The following ZNF584 variants were observed in gnomAD, a reference collection of about 807,000 sequenced individuals.
ZNF584 encodes zinc finger protein 584.
A neutral mutation model predicts 14.7 loss-of-function variants in ZNF584; 12 were observed. The observed-to-expected ratio is 0.82, with a 90% CI of 0.52 to 1.32. The LOEUF is 1.32. Ranked by LOEUF, ZNF584 falls within the 40% of genes most tolerant of loss-of-function variation. The pLI, the probability that ZNF584 is intolerant of heterozygous loss-of-function variation, is 0.00. For missense variants in ZNF584, 478 were observed against 518.8 expected, an observed-to-expected ratio of 0.92 and a Z score of 0.76; for synonymous variants, 204 against 190.9, an observed-to-expected ratio of 1.07 and a Z score of -0.57.
upstream of ZNF584, chr19:58,406,509 G>C (rs1157142637): frequency 1.3e-5 from 2 of 152,454 alleles, no homozygotes; most frequent in Non-Finnish European, 2.9e-5. Flanking sequence ...GCGAAAAGGT[G>C]GACTGTTTAG....
intron 3 of ZNF584, 162 bp downstream of exon 3, chr19:58,415,808 A>G (rs114933502): frequency 7.5e-6 from 12 of 1,606,010 alleles, no homozygotes; most frequent in African/African-American, 5.3e-5. Context: ...CATCTCTACC[A>G]TGATTTTCAG....
upstream of ZNF584, chr19:58,405,272 C>CA (rs1264080813): frequency 2.6e-5 from 2 of 76,490 alleles, no homozygotes; most frequent in Non-Finnish European, 5.9e-5. Flanking sequence ...GGGGGGCTGA[C>CA]CCCCCCACCT....
At chr19:58,411,972 T>A (rs1271423073) in intron 2 of ZNF584, among the ~76,000 whole-genome samples, 2 of 143,826 alleles carry the variant, frequency 1.4e-5, no homozygotes, top group Non-Finnish European at 3.0e-5. Context: ...TGGCTTATAA[T>A]ACTTGTTTTT....
At chr19:58,405,683 A>G (rs1356463480), upstream of ZNF584, 7 of 170,086 alleles carry the variant, frequency 4.1e-5, no homozygotes, top group East Asian at 1.9e-4. Context: ...GCGGCCGGGC[A>G]GAGACGCTCC....
chr19:58,410,546 T>TATAC (rs2052539040), intron 2 of ZNF584, among the ~76,000 whole-genome samples: 1 of 62,540 alleles, frequency 1.6e-5, no homozygotes, highest in Non-Finnish European at 2.7e-5. Context: ...TATATATATA[T>TATAC]ATATATATAT....
Position 58,410,745 on chromosome 19 carries a change from G to GTA in ZNF584, c.169+670_169+671dup, listed in dbSNP as rs1298705965. ...TATATATGTATATATATATATGTGT[G>GTA]TATATATATATATATATGTATATAT... is the stretch of plus-strand genomic sequence containing the variant. On this transcript the variant is annotated intron_variant, in intron 2 of 3. Transcript: ENST00000306910. Among the ~76,000 whole-genome samples the GTA allele has an allele frequency of 9.7e-3, 295 of 30,434 alleles. 42 individuals are homozygous for GTA. Among genetic ancestry groups the GTA allele is most frequent in the South Asian group, 0.014 (18 of 1,254 alleles). The allele number at this position is 30,434 out of a possible 152,430, so 20.0% of individuals were successfully genotyped here.
chr19:58,412,392 G>T (rs1447742966), intron 2 of ZNF584, among the ~76,000 whole-genome samples: 3 of 151,584 alleles, frequency 2.0e-5, no homozygotes, highest in African/African-American at 7.3e-5. Flanking sequence ...TGTATTTTTA[G>T]TAGAGACGGG....
chr19:58,410,579 A>ATATG lies in ZNF584; in HGVS notation c.169+492_169+495dup, dbSNP rs1555785564. Among the ~76,000 whole-genome samples the ATATG allele has an allele frequency of 6.0e-3, 157 of 26,206 alleles. 30 individuals carry two copies. The highest frequency in any genetic ancestry group is 0.053 in the African/African-American group (137 of 2,596). The allele number at this position is 26,206 out of a possible 152,430, so 17.2% of individuals were successfully genotyped here. On this transcript the variant is annotated intron_variant, in intron 2 of 3. Coordinates refer to ENST00000306910, the MANE Select transcript of ZNF584 (RefSeq NM_173548.3). ...TATATGTGTATATATATATGTATAT[A>ATATG]TATGTATATATATGTATATATATGT...
At position 58,417,473 on chromosome 19, in the gene ZNF584, G is replaced by A; in HGVS notation, c.955G>A (p.Val319Ile). 1 of 1,614,010 alleles carries A rather than the reference G, an allele frequency of 6.2e-7. No homozygotes were observed. Among genetic ancestry groups the A allele is most frequent in the Non-Finnish European group, 8.5e-7 (1 of 1,179,990 alleles). The stretch of plus-strand genomic sequence containing the variant: ...TAATAGCTTCATTCTTCACCAGAGA[G>A]TTCACACTGGAGAAAGGCCTTTTGA... ...YNNSFILHQRVHTGERPFECK... is the reference protein window; with the variant it reads ...YNNSFILHQRIHTGERPFECK... The change falls in exon 4 of 4, where the codon GTT becomes ATT. Residue 319 changes from valine (V) to isoleucine (I), a missense_variant. Val to Ile is a conservative substitution (Grantham distance 29). Transcript: ENST00000306910.
chr19:58,417,938 G>C lies in ZNF584; in HGVS notation c.*154G>C, dbSNP rs3764531. The C allele has an allele frequency of 0.47, 430,357 of 921,416 alleles. 103,755 individuals carry two copies. The highest frequency in any genetic ancestry group is 0.61 in the East Asian group (24,533 of 40,306). The allele number at this position is 921,416 out of a possible 1,614,324, so 57.1% of individuals were successfully genotyped here. A position where few individuals can be genotyped will look rare whatever the true frequency, so the allele number is the denominator to read the frequency against. On this transcript the variant is annotated 3_prime_UTR_variant, in exon 4 of 4. Transcript: ENST00000306910. ...CCTGGTGTGTGGGACGCTTTCGGGA[G>C]CCACATTGCACTCTGACTTGCCTGG... is the stretch of plus-strand genomic sequence containing the variant.
At chr19:58,416,484 G>T in intron 3 of ZNF584, 1 of 198,440 alleles carries the variant, frequency 5.0e-6, no homozygotes, top group South Asian at 1.4e-4. Context: ...GCTCACTGCA[G>T]CCTCTGCCTC....
chr19:58,407,434 G>GT (rs1173486321), upstream of ZNF584: 7 of 152,254 alleles, frequency 4.6e-5, no homozygotes, highest in African/African-American at 1.7e-4. Context: ...CGAGCTGAAC[G>GT]TGACCAGCTG....
intron 2 of ZNF584, among the ~76,000 whole-genome samples, chr19:58,413,581 A>G (rs1218035573): frequency 6.7e-6 from 1 of 148,526 alleles, no homozygotes; most frequent in African/African-American, 2.5e-5. Context: ...ATCTTGGCTC[A>G]CTGCAACCTC....
chr19:58,404,822 G>A (rs555470338), upstream of ZNF584: 17 of 166,838 alleles, frequency 1.0e-4, no homozygotes, highest in South Asian at 4.1e-4. Flanking sequence ...GGGCAGAGGC[G>A]CCCCTCACCT....
rs1428162501 is a variant in ZNF584 at position 58,417,512 on chromosome 19, G to A, written c.994G>A (p.Gly332Arg). The A allele has an allele frequency of 7.4e-6, 12 of 1,614,192 alleles. No individual in the cohort carries two copies. Among genetic ancestry groups the A allele is most frequent in the Non-Finnish European group, 9.3e-6 (11 of 1,180,036 alleles). ...GERPFECKQC[G>R]KGYVTRSGLY... is the part of the protein sequence containing the mutation. ...AAGGCCTTTTGAATGCAAGCAATGT[G>A]GGAAAGGCTACGTGACCCGTTCAGG... The change falls in exon 4 of 4, where the codon GGG becomes AGG. Residue 332 changes from glycine (G) to arginine (R), a missense_variant. Gly to Arg is a moderately radical substitution (Grantham distance 125, BLOSUM62 -2). Transcript: ENST00000306910.
rs1015484350 is a variant in ZNF584, at chr19:58,414,632, G to A, written c.170-892G>A. On this transcript the variant is annotated intron_variant, in intron 2 of 3. Coordinates refer to ENST00000306910, the MANE Select transcript of ZNF584 (RefSeq NM_173548.3). ...GCTGGGATTACAGGCATGAGCCACC[G>A]CGCCCAGCCGAGGCTTATTTTATAT... Among the ~76,000 whole-genome samples, 5 of 151,864 alleles carry A rather than the reference G, an allele frequency of 3.3e-5. No individual in the cohort carries two copies. The South Asian group carries it at 8.3e-4, about 25-fold the overall frequency.
Position 58,410,667 on chromosome 19 carries a change from A to G in ZNF584, c.169+576A>G, listed in dbSNP as rs754770117. 8.0e-3 allele frequency among the ~76,000 whole-genome samples: 95 copies of G among 11,866 alleles called. 13 individuals carry two copies. The highest frequency in any genetic ancestry group is 5.3e-3 in the Non-Finnish European group (33 of 6,276). 7.8% of individuals were successfully genotyped at this position (11,866 alleles called of 152,430 possible). A position where few individuals can be genotyped will look rare whatever the true frequency, so the allele number is the denominator to read the frequency against. Reference sequence around the variant, plus strand: ...TATGTGTATATATGTGTATATATGTATATATGTGTATATATATGTATATAT... The same window carrying G: ...TATGTGTATATATGTGTATATATGTGTATATGTGTATATATATGTATATAT... On this transcript the variant is annotated intron_variant, in intron 2 of 3. Transcript: ENST00000306910.
upstream of ZNF584, chr19:58,405,240 C>G (rs1163060763): frequency 7.0e-6 from 1 of 143,250 alleles, no homozygotes; most frequent in African/African-American, 2.8e-5. Flanking sequence ...ACCTCCCTTC[C>G]GGACAGGGCG....
Position 58,416,818 on chromosome 19 carries a change from G to A in ZNF584, c.300G>A (p.Leu100=), listed in dbSNP as rs1351490446. The change falls in exon 4 of 4, where the codon TTG becomes TTA. Residue 100 remains leucine, a synonymous_variant. Coordinates refer to ENST00000306910, the MANE Select transcript of ZNF584 (RefSeq NM_173548.3). ...ATTCATCTCTGCTTTCAGATGGTTT[G>A]TGTAGAGTGGAGGATGAGAGAGCCC... is the stretch of plus-strand genomic sequence containing the variant. ...EARRGFGLDG[L]CRVEDERAHP... is the part of the protein sequence containing the mutation. 1 of 1,546,576 alleles carries A rather than the reference G, an allele frequency of 6.5e-7. No individual in the cohort carries two copies.
Sources: allele counts gnomAD v4.1 joint callset (sites outside exome capture counted in the v4.1 genomes callset), GRCh38; gene constraint gnomAD v4.1.1; transcripts MANE v1.5; gene names NCBI Gene and HGNC (gene_info 2026-07-23, HGNC 2026-07-21).